Variants in PRKD1 observed in about 807,000 individuals in gnomAD.
PRKD1 encodes serine/threonine-protein kinase D1.
In PRKD1, 63 loss-of-function variants were observed where a neutral mutation model predicts 95.9. The observed-to-expected ratio is 0.66, with a 90% CI of 0.54 to 0.81. The LOEUF is 0.81. PRKD1 is among the 30% of genes least tolerant of loss of function. PRKD1 has a pLI of 0.00. For synonymous variants in PRKD1, 425 were observed against 423.1 expected, an observed-to-expected ratio of 1.00 and a Z score of -0.05; for missense variants, 1,048 against 1,165.3, an observed-to-expected ratio of 0.90 and a Z score of 1.47.
At chr14:29,668,705 A>C (rs566162591) in intron 2 of PRKD1, among the ~76,000 whole-genome samples, 1 of 152,352 alleles carries the variant, frequency 6.6e-6, no homozygotes, top group East Asian at 1.9e-4. Flanking sequence ...AATTATTTGC[A>C]TAATAAAATA....
Position 29,898,044 on chromosome 14 carries a change from G to C in PRKD1, c.264+29205C>G, listed in dbSNP as rs192681825. Reference sequence around the variant, plus strand: ...CAACGCATCCTAAAAATTACAAATTGTTTAATTTCACAAATTTAGAAATTT... The same window carrying C: ...CAACGCATCCTAAAAATTACAAATTCTTTAATTTCACAAATTTAGAAATTT... On this transcript the variant is annotated intron_variant, in intron 1 of 17. Coordinates refer to ENST00000331968, the MANE Select transcript of PRKD1 (RefSeq NM_002742.3). Among the ~76,000 whole-genome samples the C allele has an allele frequency of 2.9e-3, 441 of 152,098 alleles. 4 individuals carry two copies. Among genetic ancestry groups the C allele is most frequent in the Non-Finnish European group, 4.7e-3 (320 of 67,938 alleles).
chr14:29,583,401 C>G (rs1327918626), intron 16 of PRKD1, among the ~76,000 whole-genome samples: 2 of 152,056 alleles, frequency 1.3e-5, no homozygotes, highest in Non-Finnish European at 2.9e-5. Flanking sequence ...AATACCCCCA[C>G]CTCACACCAC....
chr14:29,599,044 C>A lies in PRKD1; in HGVS notation c.2149G>T (p.Ala717Ser), dbSNP rs766310443. ...ATACTTGCCTGAGGAAAAGGATCAG[C>A]TGAGGCTAGCAACACATTTTCTGGT... ...LKPENVLLAS[A>S]DPFPQVKLCD... Residue 717 changes from alanine to serine, a missense_variant, in exon 15 of 18, where the codon GCT (alanine) becomes TCT (serine). By Grantham distance (99) the Ala-to-Ser change is moderately conservative. Coordinates refer to ENST00000331968, the MANE Select transcript of PRKD1 (RefSeq NM_002742.3). 9.9e-6 allele frequency: 16 copies of A among 1,613,346 alleles called. No homozygotes were observed. The Admixed American group carries it at 1.8e-4, about 18-fold the overall frequency.
chr14:29,788,049 A>G (rs1442802150), intron 1 of PRKD1, among the ~76,000 whole-genome samples: 2 of 152,160 alleles, frequency 1.3e-5, no homozygotes. Flanking sequence ...TGTGGTAGAT[A>G]TCATCCTTTT....
chr14:29,629,786 A>G (rs1002618723), intron 10 of PRKD1, among the ~76,000 whole-genome samples: 14 of 152,150 alleles, frequency 9.2e-5, no homozygotes. Flanking sequence ...CCTGGGATAA[A>G]GTGATCAAGA....
intron 1 of PRKD1, among the ~76,000 whole-genome samples, chr14:29,735,174 G>A (rs1223731211): frequency 6.6e-6 from 1 of 152,092 alleles, no homozygotes; most frequent in Admixed American, 6.5e-5. Context: ...TTAATTCTAT[G>A]TAAACTGCAT....
chr14:29,912,463 C>T (rs554867876), intron 1 of PRKD1, among the ~76,000 whole-genome samples: 17 of 152,296 alleles, frequency 1.1e-4, no homozygotes, highest in Admixed American at 5.2e-4. Flanking sequence ...ATTGTGACTT[C>T]CAAACCTATA....
intron 1 of PRKD1, among the ~76,000 whole-genome samples, chr14:29,860,915 A>T (rs771459138): frequency 2.7e-4 from 41 of 152,172 alleles, no homozygotes; most frequent in Non-Finnish European, 3.8e-4. Flanking sequence ...CTTTTCCCAG[A>T]TCTTTATCTT....
At chr14:29,793,366 T>C (rs1212608555) in intron 1 of PRKD1, among the ~76,000 whole-genome samples, 1 of 152,070 alleles carries the variant, frequency 6.6e-6, no homozygotes, top group Non-Finnish European at 1.5e-5. Flanking sequence ...AAACACTTCA[T>C]CTGTTCCCTG....
rs369567188 is a variant in PRKD1 at position 29,811,175 on chromosome 14, T to C, written c.265-85501A>G. Among the ~76,000 whole-genome samples, 7 of 152,316 alleles carry C rather than the reference T, an allele frequency of 4.6e-5. No homozygotes were observed. The East Asian group carries it at 9.7e-4, about 21-fold the overall frequency. ...GGTACTAAAATATCAAGTGTTTTCC[T>C]TTCTTCCGCAGCTTCCCCTCAACCT... On this transcript the variant is annotated intron_variant, in intron 1 of 17. Coordinates refer to ENST00000331968, the MANE Select transcript of PRKD1 (RefSeq NM_002742.3).
At chr14:29,731,222 T>C (rs1594466921) in intron 1 of PRKD1, among the ~76,000 whole-genome samples, 1 of 152,302 alleles carries the variant, frequency 6.6e-6, no homozygotes, top group East Asian at 1.9e-4. Context: ...CAGAAGAGTG[T>C]TGTGAAATTT....
chr14:29,850,644 C>T (rs1892273254), intron 1 of PRKD1, among the ~76,000 whole-genome samples: 1 of 151,956 alleles, frequency 6.6e-6, no homozygotes. Context: ...TAAAAATGGC[C>T]ATACTTCCCA....
At chr14:29,806,083 G>T (rs1300347364) in intron 1 of PRKD1, among the ~76,000 whole-genome samples, 1 of 152,124 alleles carries the variant, frequency 6.6e-6, no homozygotes, top group Non-Finnish European at 1.5e-5. Flanking sequence ...ATGCCCAGGA[G>T]AGGAAAGCAA....
intron 2 of PRKD1, among the ~76,000 whole-genome samples, chr14:29,689,135 G>C (rs772499326): frequency 6.6e-6 from 1 of 151,810 alleles, no homozygotes; most frequent in Non-Finnish European, 1.5e-5. Context: ...AAACTAAAGA[G>C]CTTCTGCACA....
At chr14:29,908,128 G>C (rs1156251359) in intron 1 of PRKD1, among the ~76,000 whole-genome samples, 1 of 135,440 alleles carries the variant, frequency 7.4e-6, no homozygotes, top group African/African-American at 2.8e-5. Flanking sequence ...ATCTTTCTGT[G>C]TAAAGACAAA....
intron 1 of PRKD1, among the ~76,000 whole-genome samples, chr14:29,816,499 C>T (rs1244621806): frequency 6.6e-6 from 1 of 152,106 alleles, no homozygotes; most frequent in Non-Finnish European, 1.5e-5. Flanking sequence ...AAAACGTTAC[C>T]ATAAATGTAA....
At chr14:29,604,145 C>T (rs141749290) in intron 13 of PRKD1, among the ~76,000 whole-genome samples, 74 of 152,158 alleles carry the variant, frequency 4.9e-4, no homozygotes, top group African/African-American at 4.8e-5. Flanking sequence ...TTTGTTTTTA[C>T]GTAATTCTCA....
At chr14:29,794,351 A>G (rs1889714171) in intron 1 of PRKD1, among the ~76,000 whole-genome samples, 1 of 152,004 alleles carries the variant, frequency 6.6e-6, no homozygotes, top group African/African-American at 2.4e-5. Context: ...AAATAGAAAT[A>G]TAAAGTACTC....
Position 29,685,734 on chromosome 14 carries a change from C to CTGTGTGTG in PRKD1, c.404-19534_404-19527dup, listed in dbSNP as rs5807548. On this transcript the variant is annotated intron_variant, in intron 2 of 17. Transcript: ENST00000331968. ...GCAAAAGATGTATCTTTATCCTCAT[C>CTGTGTGTG]TGTGTGTGTGTGTGTGTGTGTGTAC... is the stretch of plus-strand genomic sequence containing the variant. Among the ~76,000 whole-genome samples the CTGTGTGTG allele has an allele frequency of 6.4e-3, 954 of 149,374 alleles. 7 individuals carry two copies. The highest frequency in any genetic ancestry group is 0.022 in the African/African-American group (889 of 40,716).
Sources: allele counts gnomAD v4.1 joint callset (sites outside exome capture counted in the v4.1 genomes callset), GRCh38; gene constraint gnomAD v4.1.1; transcripts MANE v1.5; gene names NCBI Gene and HGNC (gene_info 2026-07-23, HGNC 2026-07-21).